Variants in OPCML observed in about 807,000 individuals in gnomAD.
OPCML encodes opioid-binding protein/cell adhesion molecule.
Under a neutral mutation model 37.8 loss-of-function variants are expected in OPCML, and 13 were observed. That is an observed-to-expected ratio of 0.34 (90% CI 0.22 to 0.55). The LOEUF is 0.55. Among genes scored for constraint, OPCML ranks in the 20% least tolerant of loss-of-function variants. The pLI is 0.91. For synonymous variants in OPCML, 176 were observed against 168.8 expected (o/e 1.04, Z -0.33); for missense variants, 341 against 435.6 (o/e 0.78, Z 1.93).
chr11:132,882,893 G>A (rs1348493572), intron 2 of OPCML, among the ~76,000 whole-genome samples: 2 of 152,160 alleles, frequency 1.3e-5, no homozygotes, highest in African/African-American at 4.8e-5. Flanking sequence ...AAGAGGTGGG[G>A]AAAAGACTTT....
At chr11:133,102,060 G>A (rs73039157) in intron 1 of OPCML, among the ~76,000 whole-genome samples, 11,956 of 152,282 alleles carry the variant, frequency 0.079, 521 homozygotes, top group Middle Eastern at 0.12. Flanking sequence ...CAAGTGTTAG[G>A]AGGAAGTGAT....
At chr11:133,080,634 A>C (rs1347057312) in intron 1 of OPCML, among the ~76,000 whole-genome samples, 2 of 152,122 alleles carry the variant, frequency 1.3e-5, no homozygotes, top group Admixed American at 6.5e-5. Context: ...CCCTGCCCTC[A>C]AATCAGCAAA....
At chr11:133,147,662 C>T (rs901267884) in intron 1 of OPCML, among the ~76,000 whole-genome samples, 5 of 152,050 alleles carry the variant, frequency 3.3e-5, no homozygotes, top group Admixed American at 6.5e-5. Flanking sequence ...CAACAAAAGC[C>T]GATGTAACCC....
At position 132,498,662 on chromosome 11, in the gene OPCML, G is replaced by A. The variant is rs113844055; in HGVS notation, c.505+30399C>T. On this transcript the variant is annotated intron_variant, in intron 4 of 7. Transcript: ENST00000524381. ...CTGTAGTGGAAGTTTGAATTTTCAT[G>A]TTTAGTAGTTTGAGGGCGAATTTGA... is the stretch of plus-strand genomic sequence containing the variant. Among the ~76,000 whole-genome samples the A allele has an allele frequency of 2.5e-3, 387 of 152,228 alleles. 2 individuals carry two copies. In the Middle Eastern group the frequency reaches 0.027, roughly 11 times the overall value.
intron 3 of OPCML, among the ~76,000 whole-genome samples, chr11:132,654,445 AAAG>A (rs1485790532): frequency 4.6e-5 from 7 of 152,084 alleles, no homozygotes; most frequent in African/African-American, 1.7e-4. Flanking sequence ...GTCATCCCCA[AAAG>A]AAGATCTTCC....
chr11:132,852,698 CAG>C (rs536572184), intron 2 of OPCML, among the ~76,000 whole-genome samples: 3 of 152,014 alleles, frequency 2.0e-5, no homozygotes, highest in African/African-American at 7.2e-5. Context: ...TTCAATGAAA[CAG>C]AGAGAGTAAT....
chr11:132,547,582 A>G (rs550805691), intron 3 of OPCML, among the ~76,000 whole-genome samples: 4 of 152,334 alleles, frequency 2.6e-5, no homozygotes, highest in African/African-American at 2.4e-5. Flanking sequence ...CACTCCAAGT[A>G]TAGTGGCAAA....
chr11:133,371,511 G>A (rs1448559091), intron 1 of OPCML, among the ~76,000 whole-genome samples: 2 of 152,152 alleles, frequency 1.3e-5, no homozygotes, highest in South Asian at 4.1e-4. Context: ...GATCATGGGG[G>A]CAGTTTCCCT....
chr11:133,023,069 T>C (rs1038878746), intron 1 of OPCML, among the ~76,000 whole-genome samples: 5 of 152,208 alleles, frequency 3.3e-5, no homozygotes, highest in African/African-American at 1.2e-4. Context: ...AACACTGTTC[T>C]CAGATGAGTT....
chr11:132,436,139 G>A lies in OPCML; in HGVS notation c.863C>T (p.Thr288Ile). Residue 288 changes from threonine to isoleucine, a missense_variant, in exon 7 of 8, where the codon ACT becomes ATT. Thr to Ile is a moderately conservative substitution (Grantham distance 89, BLOSUM62 -1). Transcript: ENST00000524381. ...NVSEKDYGNYTCVATNKLGNT... is the reference protein window; with the variant it reads ...NVSEKDYGNYICVATNKLGNT... The stretch of plus-strand genomic sequence containing the variant: ...CCCAAGCTTGTTCGTGGCCACACAA[G>A]TATAGTTCCCATAATCCTTTTCTGA... The A allele has an allele frequency of 3.1e-6, 5 of 1,614,212 alleles. No homozygotes were observed. Among genetic ancestry groups the A allele is most frequent in the Non-Finnish European group, 3.4e-6 (4 of 1,180,036 alleles).
chr11:133,379,191 A>G (rs1477999186), intron 1 of OPCML, among the ~76,000 whole-genome samples: 1 of 152,244 alleles, frequency 6.6e-6, no homozygotes, highest in Non-Finnish European at 1.5e-5. Flanking sequence ...ACCGTCTGTT[A>G]CATGTCCATT....
intron 1 of OPCML, among the ~76,000 whole-genome samples, chr11:133,461,037 TA>T (rs1420155152): frequency 6.6e-6 from 1 of 151,850 alleles, no homozygotes; most frequent in African/African-American, 2.4e-5. Flanking sequence ...AATTTAGCAT[TA>T]TTTCATGATG....
At chr11:132,894,389 C>G (rs1356688124) in intron 2 of OPCML, among the ~76,000 whole-genome samples, 1 of 152,246 alleles carries the variant, frequency 6.6e-6, no homozygotes, top group Non-Finnish European at 1.5e-5. Flanking sequence ...ATCTCCAAGA[C>G]TCTGTCTAAG....
At chr11:132,522,695 C>T (rs565496145) in intron 4 of OPCML, among the ~76,000 whole-genome samples, 2 of 152,226 alleles carry the variant, frequency 1.3e-5, no homozygotes, top group East Asian at 3.9e-4. Flanking sequence ...ATCGACATTT[C>T]GAAAGTCACT....
chr11:133,437,224 A>G (rs1163725709), intron 1 of OPCML, among the ~76,000 whole-genome samples: 1 of 152,232 alleles, frequency 6.6e-6, no homozygotes, highest in Non-Finnish European at 1.5e-5. Context: ...GAATGCTGTC[A>G]TTAGATAGAC....
chr11:133,448,123 A>G (rs1175598001), intron 1 of OPCML, among the ~76,000 whole-genome samples: 1 of 152,214 alleles, frequency 6.6e-6, no homozygotes, highest in Non-Finnish European at 1.5e-5. Flanking sequence ...ACCCAAGATC[A>G]CAAAGATTTT....
At chr11:132,800,547 T>G (rs1442832080) in intron 2 of OPCML, among the ~76,000 whole-genome samples, 1 of 152,158 alleles carries the variant, frequency 6.6e-6, no homozygotes, top group East Asian at 1.9e-4. Flanking sequence ...AGTTGTAGAT[T>G]TTTTACATAT....
Position 132,420,199 on chromosome 11 carries a change from C to T in OPCML, c.1011G>A (p.Lys337=). The T allele has an allele frequency of 6.2e-7, 1 of 1,613,826 alleles. No homozygotes were observed. Among genetic ancestry groups the T allele is most frequent in the Non-Finnish European group, 8.5e-7 (1 of 1,179,802 alleles). Residue 337 remains lysine (K), a synonymous_variant, in exon 8 of 8, where the codon AAG becomes AAA. Transcript: ENST00000524381. ...SGTLLAHFFI[K]F ...GAGGACCTAGGATTTCTTATCAAAACTTGATGAAGAAGTGGGCTAAGAGGG... is the reference window on the plus strand; with the variant it reads ...GAGGACCTAGGATTTCTTATCAAAATTTGATGAAGAAGTGGGCTAAGAGGG...
At chr11:133,292,762 C>T (rs1286129637) in intron 1 of OPCML, among the ~76,000 whole-genome samples, 1 of 152,166 alleles carries the variant, frequency 6.6e-6, no homozygotes, top group Non-Finnish European at 1.5e-5. Flanking sequence ...GGAAAAGTGA[C>T]ATTCAGTGAA....
Sources: allele counts gnomAD v4.1 joint callset (sites outside exome capture counted in the v4.1 genomes callset), GRCh38; gene constraint gnomAD v4.1.1; transcripts MANE v1.5; gene names NCBI Gene and HGNC (gene_info 2026-07-23, HGNC 2026-07-21).